Variants in IQSEC1 observed in about 807,000 individuals in gnomAD.
The protein encoded by IQSEC1 is IQ motif and SEC7 domain-containing protein 1.
Under a neutral mutation model 91.0 loss-of-function variants are expected in IQSEC1, and 31 were observed. The ratio of observed to expected loss-of-function variants is 0.34; its 90% CI spans 0.26 to 0.46. The LOEUF is 0.46. Among genes scored for constraint, IQSEC1 ranks in the 20% least tolerant of loss-of-function variants. The pLI, the probability that IQSEC1 is intolerant of heterozygous loss-of-function variation, is 1.00. For missense variants in IQSEC1, 1,388 were observed against 1,575.6 expected (o/e 0.88, Z 2.02); for synonymous variants, 699 against 662.6 (o/e 1.05, Z -0.84).
chr3:12,900,402 T>C lies in IQSEC1; in HGVS notation c.*581A>G, dbSNP rs972780608. 1.3e-4 allele frequency: 127 copies of C among 984,278 alleles called. No individual in the cohort carries two copies. The highest frequency in any genetic ancestry group is 1.4e-4 in the Non-Finnish European group (118 of 829,682). 61.0% of individuals were successfully genotyped at this position (984,278 alleles called of 1,614,324 possible). A position where few individuals can be genotyped will look rare whatever the true frequency, so the allele number is the denominator to read the frequency against. On this transcript the variant is annotated 3_prime_UTR_variant, in exon 14 of 14. Transcript: ENST00000613206. ...GAGCTCCTTGTAAGGTGGGTATTGC[T>C]AATGTGGACTGAAACGCCTGCCTTT...
intron 3 of IQSEC1, among the ~76,000 whole-genome samples, chr3:12,927,952 G>A (rs1000058316): frequency 2.6e-5 from 4 of 152,298 alleles, no homozygotes; most frequent in East Asian, 1.9e-4. Flanking sequence ...GTGGGGCGGT[G>A]GGCAGACTGC....
chr3:12,963,311 A>G (rs535583010), intron 1 of IQSEC1, among the ~76,000 whole-genome samples: 6 of 152,388 alleles, frequency 3.9e-5, no homozygotes, highest in African/African-American at 1.4e-4. Flanking sequence ...TCCAAGGAGC[A>G]GCGAAGCTGC....
intron 1 of IQSEC1, among the ~76,000 whole-genome samples, chr3:13,191,268 CT>C (rs1694024964): frequency 6.6e-6 from 1 of 152,222 alleles, no homozygotes; most frequent in African/African-American, 2.4e-5. Context: ...CGCCCGATTC[CT>C]CACAGACTGC....
intron 1 of IQSEC1, among the ~76,000 whole-genome samples, chr3:13,260,124 G>A (rs554379592): frequency 6.6e-6 from 1 of 152,328 alleles, no homozygotes; most frequent in Admixed American, 6.5e-5. Context: ...GAAGGAGGAT[G>A]AGAAAAGAGA....
intron 1 of IQSEC1, among the ~76,000 whole-genome samples, chr3:12,998,601 A>G (rs1371992801): frequency 6.6e-6 from 1 of 152,182 alleles, no homozygotes; most frequent in African/African-American, 2.4e-5. Flanking sequence ...GCCTGGGTTA[A>G]TGTAGCAAGG....
At chr3:13,169,462 G>A (rs1300634447) in intron 1 of IQSEC1, among the ~76,000 whole-genome samples, 3 of 152,210 alleles carry the variant, frequency 2.0e-5, no homozygotes, top group Non-Finnish European at 4.4e-5. Flanking sequence ...GGGCACTGCT[G>A]TAGACACCAA....
rs574176817 is a variant in IQSEC1, at chr3:12,908,816, G to A, written c.2579-291C>T. On this transcript the variant is annotated intron_variant, in intron 11 of 13. Coordinates refer to ENST00000613206, the MANE Select transcript of IQSEC1 (RefSeq NM_001134382.3). This position sits in a 1 kb window ranked among gnomAD's most constrained non-coding sequence, Gnocchi z 4.9. ...ACAGACTTGCCTGGGTCTGAGAGAT[G>A]AGCAAAGATTAGCCAGGGTCTTCCA... 1.0e-3 allele frequency among the ~76,000 whole-genome samples: 155 copies of A among 152,174 alleles called. 1 individual carries two copies. The highest frequency in any genetic ancestry group is 2.2e-3 in the Admixed American group (34 of 15,300).
chr3:13,199,133 C>G (rs1396285665), intron 1 of IQSEC1, among the ~76,000 whole-genome samples: 19 of 152,202 alleles, frequency 1.2e-4, no homozygotes, highest in Admixed American at 1.2e-3. Context: ...GCAGGCGACA[C>G]AACATGGCAG....
At chr3:12,968,572 C>T (rs1700749650) in intron 1 of IQSEC1, among the ~76,000 whole-genome samples, 2 of 152,208 alleles carry the variant, frequency 1.3e-5, no homozygotes, top group South Asian at 4.1e-4. Context: ...ACTCTTTCCT[C>T]CTCTCCCAGG....
At chr3:13,173,678 T>C (rs760543767) in intron 1 of IQSEC1, among the ~76,000 whole-genome samples, 1 of 152,258 alleles carries the variant, frequency 6.6e-6, no homozygotes, top group East Asian at 1.9e-4. Flanking sequence ...TGTTAAGTGC[T>C]GCTGGCAACA....
intron 1 of IQSEC1, among the ~76,000 whole-genome samples, chr3:13,233,181 T>C (rs1694865783): frequency 6.6e-6 from 1 of 152,204 alleles, no homozygotes; most frequent in African/African-American, 2.4e-5. Flanking sequence ...AGGTGCTCAT[T>C]AGAAATGCAG....
chr3:13,161,630 C>A (rs983893377), intron 2 of IQSEC1, among the ~76,000 whole-genome samples: 2 of 152,212 alleles, frequency 1.3e-5, no homozygotes, highest in East Asian at 1.9e-4. Context: ...ATGGGGACAA[C>A]GGGCCAGGGC....
At chr3:13,036,642 T>C (rs1276157427) in intron 1 of IQSEC1, among the ~76,000 whole-genome samples, 1 of 151,868 alleles carries the variant, frequency 6.6e-6, no homozygotes, top group Admixed American at 6.6e-5. Context: ...GTGTGGGGGG[T>C]GCCCGACAGC....
rs539503603 is a variant in IQSEC1 at position 13,207,243 on chromosome 3, G to A, written c.273-43110C>T. Among the ~76,000 whole-genome samples the A allele has an allele frequency of 2.0e-5, 3 of 151,982 alleles. 1 individual carries two copies. Among genetic ancestry groups the A allele is most frequent in the South Asian group, 2.1e-4 (1 of 4,804 alleles). On this transcript the variant is annotated intron_variant, in intron 1 of 15. Coordinates refer to the IQSEC1 transcript ENST00000648114. The surrounding 1 kb of genome is among the most constrained non-coding windows in gnomAD (Gnocchi z 4.8). ...CTTGACCCTGACCTTCCCCACCTCC[G>A]CTCAAACCTTCCCACCAGATTCCTC...
chr3:13,221,786 C>T (rs1164812701), intron 1 of IQSEC1, among the ~76,000 whole-genome samples: 6 of 152,382 alleles, frequency 3.9e-5, no homozygotes, highest in East Asian at 1.9e-4. Flanking sequence ...GCCACAAAAC[C>T]GGGAACTCCC....
At chr3:13,275,008 A>C (rs1366893111) in intron 1 of IQSEC1, among the ~76,000 whole-genome samples, 1 of 152,210 alleles carries the variant, frequency 6.6e-6, no homozygotes, top group African/African-American at 2.4e-5. Context: ...GGTGAACTGC[A>C]CCAGCCCTGG....
intron 2 of IQSEC1, among the ~76,000 whole-genome samples, chr3:13,139,472 A>G (rs165438): frequency 0.49 from 73,834 of 152,066 alleles, 18,639 homozygotes; most frequent in Admixed American, 0.58. Context: ...TCCCTAAGGC[A>G]GAAGACCCCT....
At chr3:13,029,500 T>C (rs1703757816) in intron 1 of IQSEC1, among the ~76,000 whole-genome samples, 1 of 152,228 alleles carries the variant, frequency 6.6e-6, no homozygotes, top group South Asian at 2.1e-4. Context: ...CTAAATCCTT[T>C]TTGTTGCAGG....
In IQSEC1 at chr3:13,259,966, G is replaced by A. The variant is rs930570746; in HGVS notation, c.272+22745C>T. ...CAAAATATGACTAATTAGAACAGTC[G>A]TGCTGGCAGGCAGACTTCTGCAAGG... is the stretch of plus-strand genomic sequence containing the variant. On this transcript the variant is annotated intron_variant, in intron 1 of 15. Transcript: ENST00000648114. This position sits in a 1 kb window ranked among gnomAD's most constrained non-coding sequence, Gnocchi z 4.6. Among the ~76,000 whole-genome samples the A allele has an allele frequency of 6.6e-6, 1 of 152,236 alleles. No individual in the cohort carries two copies. The highest frequency in any genetic ancestry group is 1.5e-5 in the Non-Finnish European group (1 of 68,048).
Sources: allele counts gnomAD v4.1 joint callset (sites outside exome capture counted in the v4.1 genomes callset), GRCh38; gene constraint gnomAD v4.1.1; non-coding constraint Gnocchi (gnomAD v3.1); transcripts MANE v1.5; gene names NCBI Gene and HGNC (gene_info 2026-07-23, HGNC 2026-07-21).